The following LYRM4 variants were observed in gnomAD, a reference collection of about 807,000 sequenced individuals.
LYRM4 encodes LYR motif-containing protein 4.
Under a neutral mutation model 11.7 loss-of-function variants are expected in LYRM4, and 9 were observed. The ratio of observed to expected loss-of-function variants is 0.77; its 90% confidence interval spans 0.46 to 1.34. LYRM4 has a LOEUF of 1.34. Ranked by LOEUF, LYRM4 falls within the 40% of genes most tolerant of loss-of-function variation. The probability of loss-of-function intolerance (pLI) is 0.00; values close to 1 mark genes in which losing one functional copy is unlikely to be tolerated. For missense variants in LYRM4, 133 were observed against 112.5 expected, an observed-to-expected ratio of 1.18 and a Z score of -0.82; for synonymous variants, 42 against 40.4, an observed-to-expected ratio of 1.04 and a Z score of -0.15.
At chr6:5,205,712 GC>G (rs1257552413) in intron 2 of LYRM4, among the ~76,000 whole-genome samples, 2 of 152,154 alleles carry the variant, frequency 1.3e-5, no homozygotes, top group African/African-American at 4.8e-5. Flanking sequence ...CTGGTTCAAA[GC>G]AAGAGGAAAA....
chr6:5,184,980 C>T (rs1760298975), intron 2 of LYRM4, among the ~76,000 whole-genome samples: 1 of 152,230 alleles, frequency 6.6e-6, no homozygotes, highest in Non-Finnish European at 1.5e-5. Flanking sequence ...GCTTTCTCTG[C>T]TTCTAGTCAC....
chr6:5,246,578 G>A (rs1764207657), intron 1 of LYRM4, among the ~76,000 whole-genome samples: 1 of 152,226 alleles, frequency 6.6e-6, no homozygotes, highest in African/African-American at 2.4e-5. Context: ...GGGGGACTGA[G>A]AGTGGTATAC....
At chr6:5,115,371 A>C (rs1763071636) in intron 2 of LYRM4, among the ~76,000 whole-genome samples, 1 of 152,168 alleles carries the variant, frequency 6.6e-6, no homozygotes, top group African/African-American at 2.4e-5. Context: ...GCCGCAGAAC[A>C]AACACGCTTC....
intron 2 of LYRM4, among the ~76,000 whole-genome samples, chr6:5,202,754 T>C (rs1761462349): frequency 6.6e-6 from 1 of 152,226 alleles, no homozygotes; most frequent in Non-Finnish European, 1.5e-5. Context: ...TAATTATTGT[T>C]CCAGGATATG....
intron 2 of LYRM4, among the ~76,000 whole-genome samples, chr6:5,168,658 A>C (rs1328020594): frequency 2.6e-5 from 4 of 152,118 alleles, no homozygotes; most frequent in Non-Finnish European, 5.9e-5. Context: ...GGGCAGGGGC[A>C]GGGGCAGGGA....
At chr6:5,081,593 C>T in the LYRM4 span, among the ~76,000 whole-genome samples, 16 of 152,208 alleles carry the variant, frequency 1.1e-4, no homozygotes, top group Admixed American at 1.0e-3. Flanking sequence ...GCCCTCTTCC[C>T]TTCTCAGCTT....
the LYRM4 span, among the ~76,000 whole-genome samples, chr6:5,035,313 C>G: frequency 1.3e-5 from 2 of 151,892 alleles, no homozygotes; most frequent in East Asian, 3.9e-4. Flanking sequence ...GTGCCCTCTC[C>G]TCTCCATCTA....
intron 1 of LYRM4, among the ~76,000 whole-genome samples, chr6:5,238,179 A>G (rs555222505): frequency 2.1e-3 from 316 of 152,306 alleles, no homozygotes; most frequent in Admixed American, 9.9e-3. Flanking sequence ...GTGGTTAAAA[A>G]TATATCGAAA....
intron 2 of LYRM4, among the ~76,000 whole-genome samples, chr6:5,139,057 G>C (rs1438785326): frequency 1.3e-5 from 2 of 152,220 alleles, no homozygotes; most frequent in African/African-American, 4.8e-5. Flanking sequence ...ACTTATGCTA[G>C]GTACTTTGTA....
chr6:5,190,933 G>A (rs576574287), intron 2 of LYRM4, among the ~76,000 whole-genome samples: 1 of 152,274 alleles, frequency 6.6e-6, no homozygotes, highest in African/African-American at 2.4e-5. Flanking sequence ...TCTGGGGAAA[G>A]GGTGAAAAGT....
chr6:5,096,322 T>A, the LYRM4 span, among the ~76,000 whole-genome samples: 1 of 152,076 alleles, frequency 6.6e-6, no homozygotes, highest in East Asian at 1.9e-4. Flanking sequence ...AGACCCTATA[T>A]CTACAAAAAA....
At chr6:5,204,784 C>T (rs1279263576) in intron 2 of LYRM4, among the ~76,000 whole-genome samples, 2 of 152,224 alleles carry the variant, frequency 1.3e-5, no homozygotes, top group Non-Finnish European at 2.9e-5. Flanking sequence ...AAACCTCTAT[C>T]GATTGAGATC....
At chr6:5,218,397 G>C (rs1762399154) in intron 1 of LYRM4, 1 of 984,544 alleles carries the variant, frequency 1.0e-6, no homozygotes, top group South Asian at 4.7e-5. Flanking sequence ...TAACTTATTG[G>C]GAAACTTTAT....
At chr6:5,209,523 G>T (rs773072321) in intron 2 of LYRM4, among the ~76,000 whole-genome samples, 2 of 152,178 alleles carry the variant, frequency 1.3e-5, no homozygotes, top group African/African-American at 4.8e-5. Context: ...TGCTGCTGGC[G>T]TATGCTTTTA....
chr6:5,037,613 G>A, the LYRM4 span, among the ~76,000 whole-genome samples: 4 of 79,398 alleles, frequency 5.0e-5, no homozygotes, highest in African/African-American at 1.1e-4. Context: ...TCACCTCCCG[G>A]ACGGGGCGGC....
At chr6:5,183,947 A>C (rs1357782980) in intron 2 of LYRM4, among the ~76,000 whole-genome samples, 1 of 152,268 alleles carries the variant, frequency 6.6e-6, no homozygotes, top group East Asian at 1.9e-4. Context: ...AAGTATGTGA[A>C]GTAATGGATG....
At chr6:5,097,427 A>ACC in the LYRM4 span, among the ~76,000 whole-genome samples, 2 of 150,176 alleles carry the variant, frequency 1.3e-5, no homozygotes, top group African/African-American at 2.4e-5. Context: ...CATGGCAGCT[A>ACC]AAGTGATGGG....
chr6:5,138,792 G>A (rs1757250685), intron 2 of LYRM4: 1 of 1,359,784 alleles, frequency 7.4e-7, no homozygotes, highest in Admixed American at 2.1e-5. Context: ...TTAACAGAAA[G>A]AAAGAGTTCT....
At chr6:5,091,185 A>T in the LYRM4 span, among the ~76,000 whole-genome samples, 9 of 152,326 alleles carry the variant, frequency 5.9e-5, no homozygotes, top group East Asian at 1.7e-3. Context: ...GGAATCAGGG[A>T]TGTGCTGCCT....
Sources: gnomAD v4.1 joint callset for allele counts (sites outside exome capture counted in the v4.1 genomes callset) on GRCh38, gnomAD v4.1.1 for gene constraint, MANE v1.5 for transcripts, NCBI Gene and HGNC (gene_info 2026-07-23, HGNC 2026-07-21) for gene names.